HMGA2: variants seen among roughly 807,000 people sequenced by gnomAD.
The protein encoded by HMGA2 is high mobility group protein HMGI-C.
Under a neutral mutation model 19.1 loss-of-function variants are expected in HMGA2, and 8 were observed. The observed-to-expected ratio is 0.42, with a 90% CI of 0.25 to 0.76. The LOEUF (loss-of-function observed/expected upper bound fraction) is 0.76. HMGA2 is among the 30% of genes least tolerant of loss of function. The pLI, the probability that HMGA2 is intolerant of heterozygous loss-of-function variation, is 0.28. For synonymous variants in HMGA2, 60 were observed against 48.8 expected, an observed-to-expected ratio of 1.23 and a Z score of -0.96; for missense variants, 109 against 136.3, an observed-to-expected ratio of 0.80 and a Z score of 1.00.
intron 3 of HMGA2, among the ~76,000 whole-genome samples, chr12:65,862,105 A>G (rs533924202): frequency 1.3e-5 from 2 of 152,098 alleles, no homozygotes; most frequent in South Asian, 4.2e-4. Flanking sequence ...TCGGCCTCCC[A>G]AAGTGCTGGG....
chr12:65,962,472 G>C (rs1876778585), intron 4 of HMGA2, among the ~76,000 whole-genome samples: 1 of 152,200 alleles, frequency 6.6e-6, no homozygotes, highest in East Asian at 1.9e-4. Context: ...ATGTTTGGTC[G>C]ATGCGGATTA....
At chr12:65,867,759 A>G (rs1872504167) in intron 3 of HMGA2, 1 of 226,714 alleles carries the variant, frequency 4.4e-6, no homozygotes, top group African/African-American at 2.2e-5. Flanking sequence ...GAATTAACGT[A>G]TTAACACATA....
chr12:65,828,384 G>C, intron 2 of HMGA2: 1 of 219,158 alleles, frequency 4.6e-6, no homozygotes. Flanking sequence ...GGGGGGGCGG[G>C]ATGAAAATGA....
chr12:65,864,734 T>C (rs1199882254), intron 3 of HMGA2, among the ~76,000 whole-genome samples: 1 of 152,214 alleles, frequency 6.6e-6, no homozygotes, highest in African/African-American at 2.4e-5. Context: ...TTCTGGATTG[T>C]ATGTGCAGTG....
chr12:65,918,213 T>C (rs754052304), intron 3 of HMGA2, among the ~76,000 whole-genome samples: 1 of 152,254 alleles, frequency 6.6e-6, no homozygotes, highest in Non-Finnish European at 1.5e-5. Flanking sequence ...TATGCTTCTC[T>C]GTCTCTTCCT....
chr12:65,894,006 A>T (rs944498292), intron 3 of HMGA2, among the ~76,000 whole-genome samples: 1 of 152,178 alleles, frequency 6.6e-6, no homozygotes, highest in Non-Finnish European at 1.5e-5. Context: ...AGAGGGGAGT[A>T]AAAACTTGTC....
chr12:65,952,455 A>T, intron 4 of HMGA2: 1 of 1,532,834 alleles, frequency 6.5e-7, no homozygotes, highest in Admixed American at 2.0e-5. Flanking sequence ...TTCCAAACAC[A>T]TGAAAGGATC....
At chr12:65,841,518 A>G (rs949173233) in intron 3 of HMGA2, among the ~76,000 whole-genome samples, 10 of 152,216 alleles carry the variant, frequency 6.6e-5, no homozygotes, top group African/African-American at 1.7e-4. Context: ...ATTCCGTTCA[A>G]TGGCATTCTT....
chr12:65,918,353 T>A (rs1875183596), intron 3 of HMGA2, among the ~76,000 whole-genome samples: 3 of 152,094 alleles, frequency 2.0e-5, no homozygotes, highest in Admixed American at 2.0e-4. Context: ...TAAAGAGAAG[T>A]GGAGCTTGGT....
chr12:65,837,029 T>C (rs1222404954), intron 2 of HMGA2, among the ~76,000 whole-genome samples: 4 of 152,218 alleles, frequency 2.6e-5, no homozygotes, highest in Non-Finnish European at 5.9e-5. Context: ...GTTTGTGACC[T>C]TGAGCCAGTT....
chr12:65,952,934 T>C (rs12371967), intron 4 of HMGA2: 17,663 of 153,022 alleles, frequency 0.12, 1,341 homozygotes, highest in Non-Finnish European at 0.17. Context: ...GCCTGTGTCC[T>C]ATCCAGTGGT....
intron 3 of HMGA2, among the ~76,000 whole-genome samples, chr12:65,897,793 C>G (rs1189475585): frequency 1.3e-5 from 2 of 152,062 alleles, no homozygotes; most frequent in Non-Finnish European, 2.9e-5. Flanking sequence ...AACCCTGTCT[C>G]TACTAAAATT....
chr12:65,838,457 G>T, intron 2 of HMGA2, 62 bp from the exon 3 acceptor site: 1 of 1,212,800 alleles, frequency 8.2e-7, no homozygotes, highest in Non-Finnish European at 1.2e-6. Flanking sequence ...TGTGTCCCTT[G>T]GTGCAGTACT....
In HMGA2 at chr12:65,863,724, A is replaced by G. The variant is rs1872233963; in HGVS notation, c.249+25155A>G. ...GAATACCAAATCCTGTGCCCAGCTC[A>G]GTCTCACTGACTAGGGAATGTTGTC... is the stretch of plus-strand genomic sequence containing the variant. On this transcript the variant is annotated intron_variant, in intron 3 of 4. Transcript: ENST00000403681. Among the ~76,000 whole-genome samples, 3 of 152,340 alleles carry G rather than the reference A, an allele frequency of 2.0e-5. No individual in the cohort carries two copies. In the South Asian group the frequency reaches 6.2e-4, roughly 32 times the overall value.
chr12:65,911,147 C>T (rs1388816529), intron 3 of HMGA2, among the ~76,000 whole-genome samples: 1 of 152,200 alleles, frequency 6.6e-6, no homozygotes, highest in African/African-American at 2.4e-5. Flanking sequence ...CAAAACGACA[C>T]TCCATGTATC....
intron 3 of HMGA2, among the ~76,000 whole-genome samples, chr12:65,950,619 A>C (rs1018670752): frequency 2.0e-5 from 3 of 152,198 alleles, no homozygotes; most frequent in African/African-American, 7.2e-5. Context: ...GAGGAGATGA[A>C]AGTGTTCTAA....
chr12:65,858,287 CAT>C (rs1871848423), intron 3 of HMGA2: 1 of 151,332 alleles, frequency 6.6e-6, no homozygotes, highest in Non-Finnish European at 1.5e-5. Context: ...CTCAGTATTC[CAT>C]ATGTTTTGTG....
At chr12:65,939,467 T>C (rs1876012090) in intron 3 of HMGA2, among the ~76,000 whole-genome samples, 1 of 152,086 alleles carries the variant, frequency 6.6e-6, no homozygotes, top group Admixed American at 6.5e-5. Context: ...GCTATTCTTT[T>C]GCCTCAGCCT....
Position 65,908,226 on chromosome 12 carries a change from C to T in HMGA2, c.250-43157C>T, listed in dbSNP as rs148625532. 1.6e-3 allele frequency among the ~76,000 whole-genome samples: 238 copies of T among 152,264 alleles called. 2 individuals are homozygous for T. Among genetic ancestry groups the T allele is most frequent in the Non-Finnish European group, 2.6e-3 (178 of 68,024 alleles). On this transcript the variant is annotated intron_variant, in intron 3 of 4. Transcript: ENST00000403681. Reference sequence around the variant, plus strand: ...GTACCTGACTGTCAAACAGCCATTACATGCGAAGGGCAGCCTGTATACAGG... The same window carrying T: ...GTACCTGACTGTCAAACAGCCATTATATGCGAAGGGCAGCCTGTATACAGG...
Sources: allele counts gnomAD v4.1 joint callset (sites outside exome capture counted in the v4.1 genomes callset), GRCh38; gene constraint gnomAD v4.1.1; transcripts MANE v1.5; gene names NCBI Gene and HGNC (gene_info 2026-07-23, HGNC 2026-07-21).